Variants in CCDC91 observed in about 807,000 individuals in gnomAD.
The protein encoded by CCDC91 is coiled-coil domain containing 91.
Under a neutral mutation model 63.2 loss-of-function variants are expected in CCDC91, and 48 were observed. The observed-to-expected ratio is 0.76, with a 90% confidence interval of 0.60 to 0.97. CCDC91 has a LOEUF of 0.97. Among genes scored for constraint, CCDC91 ranks in the 50% least tolerant of loss-of-function variants. The pLI is 0.00. For synonymous variants in CCDC91, 167 were observed against 165.8 expected (o/e 1.01, Z -0.06); for missense variants, 500 against 494.6 (o/e 1.01, Z -0.10).
At chr12:28,289,647 G>A (rs1023554419) in intron 3 of CCDC91, among the ~76,000 whole-genome samples, 1 of 143,460 alleles carries the variant, frequency 7.0e-6, no homozygotes. Flanking sequence ...AGAAGAATGT[G>A]TATTCTGCTG....
Position 28,267,824 on chromosome 12 carries a change from T to TATAGTAATATATAATTATATAG in CCDC91, c.109+8382_109+8383insATAGTAATATATAATTATATAG, listed in dbSNP as rs1565699921. Among the ~76,000 whole-genome samples, 2 of 30,820 alleles carry TATAGTAATATATAATTATATAG rather than the reference T, an allele frequency of 6.5e-5. 1 individual carries two copies. The highest frequency in any genetic ancestry group is 1.3e-4 in the Non-Finnish European group (2 of 15,184). 20.2% of individuals were successfully genotyped at this position (30,820 alleles called of 152,430 possible). On this transcript the variant is annotated intron_variant, in intron 3 of 12. Transcript: ENST00000536442. Reference sequence around the variant, plus strand: ...TATATAGTAATATATAATTATATTATTAATATATAATTATATATAATTATA... The same window carrying TATAGTAATATATAATTATATAG: ...TATATAGTAATATATAATTATATTATATAGTAATATATAATTATATAGTAATATATAATTATATATAATTATA...
chr12:28,318,014 A>G (rs1940079313), intron 6 of CCDC91, among the ~76,000 whole-genome samples: 1 of 152,070 alleles, frequency 6.6e-6, no homozygotes, highest in South Asian at 2.1e-4. Context: ...CAACTTAAGT[A>G]AAATAAGGGC....
chr12:28,325,721 T>C (rs1436190324), intron 6 of CCDC91, among the ~76,000 whole-genome samples: 1 of 151,946 alleles, frequency 6.6e-6, no homozygotes, highest in Non-Finnish European at 1.5e-5. Context: ...TAGGAATCTA[T>C]TAAACCAGTG....
intron 12 of CCDC91, among the ~76,000 whole-genome samples, chr12:28,510,816 A>G (rs1307355641): frequency 6.6e-6 from 1 of 151,900 alleles, no homozygotes; most frequent in Non-Finnish European, 1.5e-5. Context: ...GAGGAACATA[A>G]CATCCAAATT....
At chr12:28,468,459 C>T (rs1355657707) in intron 11 of CCDC91, among the ~76,000 whole-genome samples, 2 of 151,826 alleles carry the variant, frequency 1.3e-5, no homozygotes, top group African/African-American at 4.8e-5. Context: ...AAAAGTCTCT[C>T]AGTAAAGAAA....
intron 12 of CCDC91, among the ~76,000 whole-genome samples, chr12:28,509,308 A>G (rs1168889325): frequency 6.6e-6 from 1 of 151,798 alleles, no homozygotes; most frequent in East Asian, 2.0e-4. Context: ...CATTTGATAT[A>G]TACTGCCTTT....
chr12:28,501,676 G>A (rs1324421340), intron 12 of CCDC91, among the ~76,000 whole-genome samples: 3 of 151,592 alleles, frequency 2.0e-5, no homozygotes, highest in Non-Finnish European at 2.9e-5. Context: ...CTCTTTTTTG[G>A]TTGTGTCTCT....
At position 28,545,870 on chromosome 12, in the gene CCDC91, G is replaced by A. The variant is rs1415665081; in HGVS notation, c.1216-3193G>A. On this transcript the variant is annotated intron_variant, in intron 12 of 12. Coordinates refer to ENST00000536442, the MANE Select transcript of CCDC91 (RefSeq NM_018318.5). The stretch of plus-strand genomic sequence containing the variant: ...TGTTACTTAGCAACAGAGGTTGAAT[G>A]CTTGTTACACATTGTGAAATTGTAC... Among the ~76,000 whole-genome samples, 5 of 152,188 alleles carry A rather than the reference G, an allele frequency of 3.3e-5. No individual in the cohort carries two copies. The East Asian group carries it at 9.7e-4, about 29-fold the overall frequency.
chr12:28,360,082 C>T (rs559635025), intron 6 of CCDC91, among the ~76,000 whole-genome samples: 5 of 152,266 alleles, frequency 3.3e-5, no homozygotes, highest in African/African-American at 4.8e-5. Context: ...TAAAGTAGAT[C>T]GTTGCCATGA....
chr12:28,351,036 C>A (rs1316522926), intron 6 of CCDC91, among the ~76,000 whole-genome samples: 1 of 152,152 alleles, frequency 6.6e-6, no homozygotes, highest in Non-Finnish European at 1.5e-5. Context: ...TTCCTGGCCC[C>A]ACAAAATTCC....
intron 8 of CCDC91, among the ~76,000 whole-genome samples, chr12:28,439,168 A>G (rs974572560): frequency 1.3e-5 from 2 of 152,168 alleles, no homozygotes; most frequent in African/African-American, 4.8e-5. Context: ...ATTTGGTTGA[A>G]GTAAATCTGC....
intron 11 of CCDC91, among the ~76,000 whole-genome samples, chr12:28,456,480 A>G (rs1314336958): frequency 2.0e-5 from 3 of 152,152 alleles, no homozygotes; most frequent in Non-Finnish European, 4.4e-5. Flanking sequence ...GAGAGAAGAC[A>G]CATCAGTAGT....
chr12:28,224,812 C>T (rs1944168408), intron 1 of CCDC91, among the ~76,000 whole-genome samples: 1 of 152,074 alleles, frequency 6.6e-6, no homozygotes, highest in South Asian at 2.1e-4. Flanking sequence ...TGTCAACAGC[C>T]CATAGTCTTG....
intron 7 of CCDC91, among the ~76,000 whole-genome samples, chr12:28,385,669 A>T (rs891230084): frequency 7.9e-5 from 12 of 152,226 alleles, no homozygotes; most frequent in Non-Finnish European, 1.6e-4. Flanking sequence ...ATCAGTACAA[A>T]GATGATATTA....
chr12:28,544,139 C>A (rs750244654), intron 12 of CCDC91, among the ~76,000 whole-genome samples: 7 of 151,844 alleles, frequency 4.6e-5, no homozygotes, highest in Non-Finnish European at 8.8e-5. Flanking sequence ...AACTGCAAAC[C>A]TTTAGGGCCC....
intron 1 of CCDC91, among the ~76,000 whole-genome samples, chr12:28,215,204 G>A (rs747774228): frequency 2.6e-5 from 4 of 152,166 alleles, no homozygotes; most frequent in Non-Finnish European, 4.4e-5. Context: ...ATTGGACTCA[G>A]ACTAGAACTT....
At chr12:28,195,994 A>G (rs1257638648) in intron 1 of CCDC91, among the ~76,000 whole-genome samples, 1 of 152,130 alleles carries the variant, frequency 6.6e-6, no homozygotes, top group Non-Finnish European at 1.5e-5. Context: ...AGTCCCTGAT[A>G]CTTGGAAGGC....
chr12:28,534,832 G>A (rs1220315611), intron 12 of CCDC91, among the ~76,000 whole-genome samples: 1 of 152,112 alleles, frequency 6.6e-6, no homozygotes, highest in African/African-American at 2.4e-5. Flanking sequence ...CTCTCCAAAC[G>A]TTATTCCTGC....
chr12:28,533,585 T>C (rs943672196), intron 12 of CCDC91, among the ~76,000 whole-genome samples: 3 of 151,974 alleles, frequency 2.0e-5, no homozygotes, highest in African/African-American at 7.3e-5. Flanking sequence ...AAAATATATC[T>C]GTTTACTTTC....
Sources: allele counts gnomAD v4.1 joint callset (sites outside exome capture counted in the v4.1 genomes callset), GRCh38; gene constraint gnomAD v4.1.1; transcripts MANE v1.5; gene names NCBI Gene and HGNC (gene_info 2026-07-23, HGNC 2026-07-21).